The following PDE7A variants were observed in gnomAD, a reference collection of about 807,000 sequenced individuals.
The protein encoded by PDE7A is phosphodiesterase 7A, also known as high affinity 3',5'-cyclic-AMP phosphodiesterase 7A.
PDE7A carries 39 observed loss-of-function variants against 64.3 expected under a neutral mutation model. The observed-to-expected ratio is 0.61, with a 90% confidence interval of 0.47 to 0.79. The LOEUF is 0.79. PDE7A is among the 30% of genes least tolerant of loss of function. PDE7A has a pLI of 0.00. For synonymous variants in PDE7A, 203 were observed against 206.8 expected (o/e 0.98, Z 0.16); for missense variants, 470 against 582.8 (o/e 0.81, Z 1.99).
At position 65,798,886 on chromosome 8, in the gene PDE7A, C is replaced by T. The variant is rs1240597541; in HGVS notation, c.139-16043G>A. ...ATGAATGGATAAATTGTGGCATATC[C>T]ATACAACAGAATACTACTCAGCAAT... On this transcript the variant is annotated intron_variant, in intron 1 of 12. Transcript: ENST00000401827. Among the ~76,000 whole-genome samples the T allele has an allele frequency of 2.0e-5, 3 of 152,238 alleles. 1 individual carries two copies. The East Asian group carries it at 5.8e-4, about 29-fold the overall frequency.
At chr8:65,838,629 A>C (rs1479346324) in intron 1 of PDE7A, 2 of 152,252 alleles carry the variant, frequency 1.3e-5, no homozygotes, top group Non-Finnish European at 2.9e-5. Flanking sequence ...CAACTTTTAA[A>C]AACAGGCTCT....
At chr8:65,788,967 A>C (rs773745765) in intron 1 of PDE7A, 6 of 1,610,028 alleles carry the variant, frequency 3.7e-6, no homozygotes, top group Non-Finnish European at 5.1e-6. Context: ...CCCGCTGCAT[A>C]ATCTCTCTCT....
At chr8:65,826,916 T>C (rs866995969) in intron 1 of PDE7A, among the ~76,000 whole-genome samples, 6 of 152,284 alleles carry the variant, frequency 3.9e-5, no homozygotes, top group Middle Eastern at 3.4e-3. Flanking sequence ...GGCTGGTGGC[T>C]GCATCACTCC....
In PDE7A at chr8:65,727,321, T is replaced by A. The variant is rs1379976525; in HGVS notation, c.697-20A>T. On this transcript the variant is annotated intron_variant, in intron 7 of 12. Transcript: ENST00000401827. ...GGCAAGCTGAAGTGTGACAAAAGAA[T>A]AATGAATCACAGATATATCTAAAAT... is the stretch of plus-strand genomic sequence containing the variant. 1.9e-6 allele frequency: 3 copies of A among 1,612,306 alleles called. No homozygotes were observed. The highest frequency in any genetic ancestry group is 2.5e-6 in the Non-Finnish European group (3 of 1,178,928).
intron 3 of PDE7A, among the ~76,000 whole-genome samples, chr8:65,751,200 G>A (rs1807937919): frequency 1.3e-5 from 2 of 152,182 alleles, no homozygotes; most frequent in Admixed American, 1.3e-4. Context: ...AAAATCCCAC[G>A]AGACTTTGCA....
intron 11 of PDE7A, among the ~76,000 whole-genome samples, chr8:65,723,829 G>A (rs906021710): frequency 3.9e-5 from 6 of 152,118 alleles, no homozygotes; most frequent in Non-Finnish European, 7.4e-5. Context: ...TAAATGCAAG[G>A]TGTTACCCCA....
At chr8:65,804,125 T>G (rs1810058725) in intron 1 of PDE7A, among the ~76,000 whole-genome samples, 1 of 152,202 alleles carries the variant, frequency 6.6e-6, no homozygotes. Context: ...TCAAACTGCA[T>G]ACACCAGCAC....
chr8:65,812,871 A>G (rs1035939790), intron 1 of PDE7A, among the ~76,000 whole-genome samples: 6 of 152,230 alleles, frequency 3.9e-5, no homozygotes, highest in African/African-American at 1.4e-4. Context: ...CACTGCCAGT[A>G]AGGGTATGGA....
Position 65,826,867 on chromosome 8 carries a change from T to C in PDE7A, c.138+14504A>G, listed in dbSNP as rs116339463. On this transcript the variant is annotated intron_variant, in intron 1 of 12. Transcript: ENST00000401827. ...TAGAGGAGAATCGTCCTTGCCCCTT[T>C]CTAGTTTCTGATGTCTCCCAGCAAT... Among the ~76,000 whole-genome samples the C allele has an allele frequency of 5.8e-3, 888 of 152,210 alleles. 9 individuals are homozygous for C. Among genetic ancestry groups the C allele is most frequent in the African/African-American group, 0.02 (839 of 41,544 alleles).
chr8:65,736,183 A>G (rs1807120798), intron 6 of PDE7A, among the ~76,000 whole-genome samples: 1 of 152,236 alleles, frequency 6.6e-6, no homozygotes, highest in African/African-American at 2.4e-5. Flanking sequence ...TGGGGCCATT[A>G]TGAAGTAAAA....
intron 1 of PDE7A, among the ~76,000 whole-genome samples, chr8:65,838,183 C>G (rs565997741): frequency 6.6e-6 from 1 of 152,280 alleles, no homozygotes; most frequent in East Asian, 1.9e-4. Context: ...CTTTGGCATA[C>G]CCATCAATGT....
At chr8:65,751,140 C>A (rs1807933907) in intron 3 of PDE7A, among the ~76,000 whole-genome samples, 1 of 152,120 alleles carries the variant, frequency 6.6e-6, no homozygotes, top group Admixed American at 6.5e-5. Context: ...GGTCTGAGGG[C>A]CTCATACAGG....
At chr8:65,801,802 A>C (rs1218042928) in intron 1 of PDE7A, among the ~76,000 whole-genome samples, 1 of 152,212 alleles carries the variant, frequency 6.6e-6, no homozygotes, top group East Asian at 1.9e-4. Flanking sequence ...ACAGCAATGT[A>C]ACTTAAGGAA....
intron 1 of PDE7A, among the ~76,000 whole-genome samples, chr8:65,812,941 A>G (rs1810292166): frequency 1.3e-5 from 2 of 152,220 alleles, no homozygotes; most frequent in Admixed American, 6.5e-5. Flanking sequence ...TAGCCAACTC[A>G]GGAACCAAAC....
intron 4 of PDE7A, 119 bp downstream of exon 4, chr8:65,747,533 G>A: frequency 3.6e-6 from 2 of 548,556 alleles, no homozygotes; most frequent in Admixed American, 4.1e-5. Context: ...CTGGAAAATA[G>A]GCTCAACTGC....
intron 3 of PDE7A, among the ~76,000 whole-genome samples, chr8:65,763,934 T>C (rs966624670): frequency 1.3e-5 from 2 of 152,208 alleles, no homozygotes; most frequent in African/African-American, 2.4e-5. Flanking sequence ...AAGGAAGATA[T>C]TTAGAAGACA....
intron 7 of PDE7A, among the ~76,000 whole-genome samples, chr8:65,734,102 T>C (rs886132629): frequency 6.6e-6 from 1 of 152,200 alleles, no homozygotes; most frequent in Non-Finnish European, 1.5e-5. Context: ...GGATGTCAAA[T>C]ACATTTAATA....
intron 7 of PDE7A, among the ~76,000 whole-genome samples, chr8:65,732,174 T>C (rs1806921027): frequency 6.6e-6 from 1 of 152,084 alleles, no homozygotes; most frequent in African/African-American, 2.4e-5. Context: ...AATTTTTGTA[T>C]TTTTAGTAGA....
chr8:65,759,841 C>G (rs1474138602), intron 3 of PDE7A, among the ~76,000 whole-genome samples: 1 of 151,872 alleles, frequency 6.6e-6, no homozygotes, highest in African/African-American at 2.4e-5. Flanking sequence ...ATTGTTAACA[C>G]CCCACCCTGG....
Sources: gnomAD v4.1 joint callset for allele counts (sites outside exome capture counted in the v4.1 genomes callset) on GRCh38, gnomAD v4.1.1 for gene constraint, MANE v1.5 for transcripts, NCBI Gene and HGNC (gene_info 2026-07-23, HGNC 2026-07-21) for gene names.